Variants in RFX8 observed in about 807,000 individuals in gnomAD.
The protein encoded by RFX8 is regulatory factor X8, also known as DNA-binding protein RFX8.
RFX8 carries 46 observed loss-of-function variants against 54.6 expected under a neutral mutation model. That is an observed-to-expected ratio of 0.84 (90% CI 0.67 to 1.08). RFX8 has a LOEUF of 1.08. Among genes scored for constraint, RFX8 ranks in the 50% least tolerant of loss-of-function variants. The pLI is 0.00. For synonymous variants in RFX8, 192 were observed against 209.5 expected (o/e 0.92, Z 0.72); for missense variants, 536 against 562.3 (o/e 0.95, Z 0.47).
chr2:101,466,107 C>T (rs1377788754), intron 2 of RFX8, among the ~76,000 whole-genome samples: 5 of 152,158 alleles, frequency 3.3e-5, no homozygotes, highest in African/African-American at 1.2e-4. Flanking sequence ...TTGAAATCCA[C>T]ACGATTGCTG....
chr2:101,432,520 T>C (rs4850975), intron 2 of RFX8, among the ~76,000 whole-genome samples: 149,182 of 152,274 alleles, frequency 0.98, 73,236 homozygotes, highest in Middle Eastern at 1. Context: ...ATGGGGCCAC[T>C]ACCCAAGAGC....
chr2:101,459,621 GCACC>G (rs773712559), intron 2 of RFX8, among the ~76,000 whole-genome samples: 25 of 152,234 alleles, frequency 1.6e-4, no homozygotes, highest in Admixed American at 2.6e-4. Context: ...TCCCAGAGGG[GCACC>G]CACCATATGA....
chr2:101,457,314 G>T (rs1310140776), intron 2 of RFX8, among the ~76,000 whole-genome samples: 1 of 152,148 alleles, frequency 6.6e-6, no homozygotes, highest in Non-Finnish European at 1.5e-5. Context: ...GTCGATTTTA[G>T]ATCTTTCCTG....
rs1017969047 is a variant in RFX8, at chr2:101,422,311, C to T, written c.183+51G>A. The T allele has an allele frequency of 1.1e-5, 10 of 897,276 alleles. No individual in the cohort carries two copies. In the African/African-American group the frequency reaches 1.5e-4, roughly 13 times the overall value. The allele number at this position is 897,276 out of a possible 1,614,324, so 55.6% of individuals were successfully genotyped here. ...GCACAAAAGGAAGCTATTTACTGCC[C>T]TAAGCATCATACAGCGTGAAAGGCT... On this transcript the variant is annotated intron_variant, in intron 3 of 11. Transcript: ENST00000428343.
At chr2:101,444,213 G>A (rs1429657067) in intron 2 of RFX8, among the ~76,000 whole-genome samples, 1 of 152,218 alleles carries the variant, frequency 6.6e-6, no homozygotes, top group Non-Finnish European at 1.5e-5. Context: ...GTGGTCCATG[G>A]AAGTGGGTTG....
chr2:101,426,042 T>C (rs188609868), intron 2 of RFX8, among the ~76,000 whole-genome samples: 2 of 152,298 alleles, frequency 1.3e-5, no homozygotes, highest in Non-Finnish European at 2.9e-5. Context: ...ATAAGAATCA[T>C]TTGGCTGCCT....
intron 1 of RFX8, among the ~76,000 whole-genome samples, chr2:101,472,861 T>C (rs984360654): frequency 6.6e-6 from 1 of 151,866 alleles, no homozygotes; most frequent in South Asian, 2.1e-4. Context: ...CTAATAAAAA[T>C]ACAAAAATTA....
intron 6 of RFX8, 75 bp from the exon 7 acceptor site, chr2:101,414,987 G>T: frequency 8.5e-7 from 1 of 1,182,652 alleles, no homozygotes; most frequent in Non-Finnish European, 1.2e-6. Context: ...AAGAGAAGGT[G>T]CATGTTTGGG....
chr2:101,448,905 AG>A (rs1432770727), intron 2 of RFX8, among the ~76,000 whole-genome samples: 1 of 152,262 alleles, frequency 6.6e-6, no homozygotes, highest in Non-Finnish European at 1.5e-5. Context: ...CTCAAAGAGC[AG>A]GAATGCTGGT....
At chr2:101,422,499 T>C in intron 2 of RFX8, 27 bp from the exon 3 acceptor site, 1 of 1,302,028 alleles carries the variant, frequency 7.7e-7, no homozygotes, top group South Asian at 1.3e-5. Context: ...CAATGGATTA[T>C]GTCTTTAAAA....
intron 2 of RFX8, among the ~76,000 whole-genome samples, chr2:101,445,679 GT>G (rs1688337599): frequency 6.6e-6 from 1 of 151,974 alleles, no homozygotes; most frequent in Non-Finnish European, 1.5e-5. Flanking sequence ...ATCTGCCCAT[GT>G]TGGCCTCCCA....
chr2:101,466,981 GA>G, intron 1 of RFX8, 81 bp from the exon 2 acceptor site: 1 of 688,128 alleles, frequency 1.5e-6, no homozygotes, highest in South Asian at 1.6e-5. Context: ...CAATGGTCAA[GA>G]TGTGTATGAG....
Position 101,402,621 on chromosome 2 carries a change from C to A in RFX8, c.1060G>T (p.Gly354Cys). 6.4e-7 allele frequency: 1 copy of A among 1,552,426 alleles called. No homozygotes were observed. Among genetic ancestry groups the A allele is most frequent in the Non-Finnish European group, 8.7e-7 (1 of 1,147,256 alleles). ...KEMLPDDPTLGQPDQALFHSL... is the reference protein window; with the variant it reads ...KEMLPDDPTLCQPDQALFHSL... ...TGGAAAAGTGCCTGGTCTGGCTGGC[C>A]GAGAGTCGGGTCATCTGGTAGCATT... Residue 354 changes from glycine to cysteine, a missense_variant, in exon 11 of 12, where the codon GGC becomes TGC. Transcript: ENST00000428343.
intron 11 of RFX8, among the ~76,000 whole-genome samples, chr2:101,399,316 A>G (rs1037009225): frequency 6.6e-6 from 1 of 152,228 alleles, no homozygotes; most frequent in Non-Finnish European, 1.5e-5. Flanking sequence ...AATGGATGCA[A>G]TGAAAATCAG....
chr2:101,409,188 G>A (rs1316029846), intron 9 of RFX8, among the ~76,000 whole-genome samples: 2 of 152,078 alleles, frequency 1.3e-5, no homozygotes, highest in South Asian at 2.1e-4. Context: ...GGTGGGGCCC[G>A]GGCTGCCTCA....
At chr2:101,411,815 T>C (rs1573368885) in intron 8 of RFX8, among the ~76,000 whole-genome samples, 1 of 152,088 alleles carries the variant, frequency 6.6e-6, no homozygotes, top group African/African-American at 2.4e-5. Context: ...CAACTAGGGA[T>C]ATATTTTAGT....
intron 2 of RFX8, among the ~76,000 whole-genome samples, chr2:101,449,977 G>A (rs1185381838): frequency 6.6e-6 from 1 of 152,132 alleles, no homozygotes; most frequent in Non-Finnish European, 1.5e-5. Flanking sequence ...GAAAGGTTGA[G>A]AAGGATAGAC....
intron 2 of RFX8, chr2:101,450,712 G>T: frequency 1.8e-6 from 2 of 1,100,436 alleles, no homozygotes; most frequent in Non-Finnish European, 1.3e-6. Flanking sequence ...TTAAATTTAT[G>T]TCTAACTACT....
At chr2:101,442,794 T>A (rs1435801672) in intron 2 of RFX8, among the ~76,000 whole-genome samples, 4 of 152,054 alleles carry the variant, frequency 2.6e-5, no homozygotes, top group African/African-American at 9.7e-5. Flanking sequence ...GGGAGAAGGG[T>A]TTCCCCAGGC....
Sources: allele counts gnomAD v4.1 joint callset (sites outside exome capture counted in the v4.1 genomes callset), GRCh38; gene constraint gnomAD v4.1.1; transcripts MANE v1.5; gene names NCBI Gene and HGNC (gene_info 2026-07-23, HGNC 2026-07-21).